The following TENM3 variants were observed in gnomAD, a reference collection of about 807,000 sequenced individuals.
TENM3 encodes the protein teneurin-3.
Under a neutral mutation model 255.1 loss-of-function variants are expected in TENM3, and 63 were observed. The ratio of observed to expected loss-of-function variants is 0.25; its 90% CI spans 0.20 to 0.30. The LOEUF is 0.30. Among genes scored for constraint, TENM3 ranks in the 10% least tolerant of loss-of-function variants. The pLI, the probability that TENM3 is intolerant of heterozygous loss-of-function variation, is 1.00. For synonymous variants in TENM3, 1,306 were observed against 1,322.3 expected (o/e 0.99, Z 0.27); for missense variants, 2,929 against 3,461.1 (o/e 0.85, Z 3.86).
chr4:182,543,031 T>C (rs1313900727), intron 3 of TENM3, among the ~76,000 whole-genome samples: 1 of 152,156 alleles, frequency 6.6e-6, no homozygotes, highest in African/African-American at 2.4e-5. Flanking sequence ...CTATAGCAAA[T>C]GTTGGTGACA....
At chr4:181,649,191 A>G in the TENM3 span, among the ~76,000 whole-genome samples, 2 of 152,182 alleles carry the variant, frequency 1.3e-5, no homozygotes, top group Non-Finnish European at 2.9e-5. Context: ...ATCTGAATAA[A>G]TGGTTAACTG....
At chr4:182,649,372 A>G (rs1221502815) in intron 5 of TENM3, among the ~76,000 whole-genome samples, 1 of 150,580 alleles carries the variant, frequency 6.6e-6, no homozygotes, top group Non-Finnish European at 1.5e-5. Context: ...ATAAATATAT[A>G]TCTCAGATAG....
chr4:181,641,440 T>G, the TENM3 span, among the ~76,000 whole-genome samples: 1 of 149,724 alleles, frequency 6.7e-6, no homozygotes, highest in Admixed American at 6.7e-5. Context: ...GGTGTTTGGT[T>G]TTCTGTTCTT....
the TENM3 span, among the ~76,000 whole-genome samples, chr4:181,778,098 C>T: frequency 2.0e-5 from 3 of 152,274 alleles, no homozygotes; most frequent in South Asian, 4.1e-4. Context: ...ACCAAACTTT[C>T]ATATGCCAGG....
intron 17 of TENM3, among the ~76,000 whole-genome samples, chr4:182,738,012 G>A (rs762927871): frequency 1.3e-5 from 2 of 151,812 alleles, no homozygotes; most frequent in African/African-American, 2.4e-5. Flanking sequence ...TAACACTCTT[G>A]AGTGAAAACT....
chr4:182,106,435 C>T, the TENM3 span, among the ~76,000 whole-genome samples: 1,997 of 152,220 alleles, frequency 0.013, 33 homozygotes, highest in African/African-American at 0.045. Flanking sequence ...CCAGCCTGGG[C>T]GATGGAGCGA....
At chr4:181,828,951 C>T in the TENM3 span, among the ~76,000 whole-genome samples, 1 of 152,076 alleles carries the variant, frequency 6.6e-6, no homozygotes, top group Non-Finnish European at 1.5e-5. Context: ...TGTCAGGGAC[C>T]CCCTCTGGTG....
At chr4:182,352,544 C>T (rs184914930) in intron 3 of TENM3, among the ~76,000 whole-genome samples, 94 of 152,122 alleles carry the variant, frequency 6.2e-4, no homozygotes, top group African/African-American at 2.0e-3. Flanking sequence ...GTTGTCGGAC[C>T]CCACTAATGC....
the TENM3 span, among the ~76,000 whole-genome samples, chr4:182,121,448 G>C: frequency 6.6e-6 from 1 of 152,114 alleles, no homozygotes. Flanking sequence ...CTATGGAAGT[G>C]GTAAGACTAG....
the TENM3 span, among the ~76,000 whole-genome samples, chr4:181,565,433 C>T: frequency 6.6e-6 from 1 of 152,186 alleles, no homozygotes; most frequent in Admixed American, 6.5e-5. Context: ...CTTAGAGATA[C>T]ATCAATCAGC....
In TENM3 at chr4:182,630,047, C is replaced by A. The variant is rs534059698; in HGVS notation, c.988+1158C>A. Among the ~76,000 whole-genome samples, 6 of 152,262 alleles carry A rather than the reference C, an allele frequency of 3.9e-5. No homozygotes were observed. The East Asian group carries it at 1.2e-3, about 29-fold the overall frequency. On this transcript the variant is annotated intron_variant, in intron 5 of 27. Transcript: ENST00000511685. ...ATTCACAGCACTTTCTCTCCTTAAC[C>A]CGATTACATGCTGCTTATCTTCATC... is the stretch of plus-strand genomic sequence containing the variant.
At chr4:181,600,441 C>A in the TENM3 span, among the ~76,000 whole-genome samples, 1 of 152,140 alleles carries the variant, frequency 6.6e-6, no homozygotes, top group Non-Finnish European at 1.5e-5. Flanking sequence ...CTGGCCCTGG[C>A]ACTTTTGAGA....
At chr4:181,914,524 T>C in the TENM3 span, among the ~76,000 whole-genome samples, 1 of 152,238 alleles carries the variant, frequency 6.6e-6, no homozygotes, top group Non-Finnish European at 1.5e-5. Context: ...CAGTATTATA[T>C]TCATTCTTAT....
At chr4:181,591,941 C>A in the TENM3 span, among the ~76,000 whole-genome samples, 1 of 138,676 alleles carries the variant, frequency 7.2e-6, no homozygotes, top group African/African-American at 2.6e-5. Flanking sequence ...AATAGCTATG[C>A]TGAGTGAAAA....
chr4:181,715,145 G>A, the TENM3 span, among the ~76,000 whole-genome samples: 1 of 152,186 alleles, frequency 6.6e-6, no homozygotes, highest in African/African-American at 2.4e-5. Context: ...AACCACTACT[G>A]TATACATTAT....
At chr4:182,226,851 A>G (rs185984481) in intron 1 of TENM3, among the ~76,000 whole-genome samples, 4 of 152,302 alleles carry the variant, frequency 2.6e-5, no homozygotes, top group Admixed American at 1.3e-4. Context: ...CACTCCACCT[A>G]TTCTCATGAA....
chr4:181,783,121 T>G, the TENM3 span, among the ~76,000 whole-genome samples: 1 of 152,220 alleles, frequency 6.6e-6, no homozygotes, highest in Non-Finnish European at 1.5e-5. Flanking sequence ...GAGAGTTCTG[T>G]AGATGTCTAT....
chr4:181,988,658 A>G, the TENM3 span, among the ~76,000 whole-genome samples: 4 of 152,168 alleles, frequency 2.6e-5, no homozygotes, highest in African/African-American at 9.7e-5. Context: ...AAGTGGCATC[A>G]TAATGAATCC....
intron 22 of TENM3, among the ~76,000 whole-genome samples, chr4:182,758,149 A>G (rs9917893): frequency 0.73 from 111,455 of 152,114 alleles, 41,079 homozygotes; most frequent in East Asian, 0.87. Context: ...ACCTTTATGC[A>G]TTTTGCAAAA....
Sources: gnomAD v4.1 joint callset for allele counts (sites outside exome capture counted in the v4.1 genomes callset) on GRCh38, gnomAD v4.1.1 for gene constraint, MANE v1.5 for transcripts, NCBI Gene and HGNC (gene_info 2026-07-23, HGNC 2026-07-21) for gene names.